The following ABCB11 variants were observed in gnomAD, a reference collection of about 807,000 sequenced individuals.
ABCB11 encodes ATP binding cassette subfamily B member 11, also known as bile salt export pump.
A neutral mutation model predicts 148.0 loss-of-function variants in ABCB11; 95 were observed. The ratio of observed to expected loss-of-function variants is 0.64; its 90% CI spans 0.54 to 0.76. The LOEUF (loss-of-function observed/expected upper bound fraction) is 0.76. ABCB11 is among the 30% of genes least tolerant of loss of function. The probability of loss-of-function intolerance (pLI) is 0.00; values close to 1 mark genes in which losing one functional copy is unlikely to be tolerated. For missense variants in ABCB11, 1,523 were observed against 1,617.8 expected (o/e 0.94, Z 1.01); for synonymous variants, 591 against 555.4 (o/e 1.06, Z -0.90).
rs113207353 is a variant in ABCB11 at position 168,921,353 on chromosome 2, G to C, written c.*2269C>G. On this transcript the variant is annotated 3_prime_UTR_variant, in exon 28 of 28. Transcript: ENST00000650372. The stretch of plus-strand genomic sequence containing the variant: ...GCAGAATTTCGTTTGTTGGCTAAGG[G>C]AAGAAAAACCATCTACGTAGAGTGA... Among the ~76,000 whole-genome samples, 1 of 152,164 alleles carries C rather than the reference G, an allele frequency of 6.6e-6. No individual in the cohort carries two copies. The highest frequency in any genetic ancestry group is 2.1e-4 in the South Asian group (1 of 4,830).
intron 1 of ABCB11, among the ~76,000 whole-genome samples, chr2:169,021,281 T>C (rs73024744): frequency 0.074 from 11,287 of 152,166 alleles, 489 homozygotes; most frequent in African/African-American, 0.11. Context: ...CATATACTTA[T>C]TATAAATGAA....
At chr2:168,953,275 T>C (rs1233173024) in intron 19 of ABCB11, among the ~76,000 whole-genome samples, 3 of 151,608 alleles carry the variant, frequency 2.0e-5, no homozygotes, top group Non-Finnish European at 3.0e-5. Flanking sequence ...TCTGACATGA[T>C]GATCTGGCTA....
chr2:168,986,191 A>C lies in ABCB11; in HGVS notation c.1002T>G (p.Phe334Leu), dbSNP rs1176862568. Residue 334 changes from phenylalanine to leucine, a missense_variant, in exon 10 of 28, where the codon TTT (phenylalanine) becomes TTG (leucine). By Grantham distance (22) the Phe-to-Leu change is conservative. Coordinates refer to ENST00000650372, the MANE Select transcript of ABCB11 (RefSeq NM_003742.4). The stretch of plus-strand genomic sequence containing the variant: ...ACCAGAAGGCCAGTGCATAACACAA[A>C]AAGATGAGACACCACACGAATCCAG... ...FFTGFVWCLI[F>L]LCYALAFWYG... 6.2e-7 allele frequency: 1 copy of C among 1,613,262 alleles called. No individual in the cohort carries two copies. Among genetic ancestry groups the C allele is most frequent in the African/African-American group, 1.3e-5 (1 of 74,890 alleles).
intron 17 of ABCB11, 144 bp from the exon 18 acceptor site, chr2:168,964,452 G>A: frequency 1.4e-6 from 1 of 689,826 alleles, no homozygotes; most frequent in Non-Finnish European, 2.4e-6. Flanking sequence ...GAGCTTGCAG[G>A]TTAGGTTTGA....
chr2:168,934,382 C>G (rs1014694266), intron 23 of ABCB11, among the ~76,000 whole-genome samples: 3 of 152,156 alleles, frequency 2.0e-5, no homozygotes, highest in African/African-American at 7.2e-5. Flanking sequence ...CTCAGACCAT[C>G]TCCACCCTTA....
chr2:168,957,003 G>C (rs918124721), intron 19 of ABCB11, among the ~76,000 whole-genome samples: 1 of 151,576 alleles, frequency 6.6e-6, no homozygotes, highest in African/African-American at 2.4e-5. Context: ...CCCATCCCTT[G>C]TTTGATGAAT....
Position 169,019,544 on chromosome 2 carries a change from A to G in ABCB11, c.-27-1392T>C, listed in dbSNP as rs577924252. ...CAGTTGGCTTGCAGAACTTGTGCAT[A>G]GGAAAAATTGGCTCTACATATCCAC... On this transcript the variant is annotated intron_variant, in intron 1 of 27. Transcript: ENST00000650372. 5.9e-5 allele frequency among the ~76,000 whole-genome samples: 9 copies of G among 152,336 alleles called. No homozygotes were observed. In the South Asian group the frequency reaches 1.9e-3, roughly 32 times the overall value.
At chr2:168,973,100 T>C (rs780844734) in intron 13 of ABCB11, among the ~76,000 whole-genome samples, 3 of 152,002 alleles carry the variant, frequency 2.0e-5, no homozygotes, top group Non-Finnish European at 4.4e-5. Flanking sequence ...ATTTAGTGTC[T>C]GGAGAACTTA....
chr2:168,955,470 C>T (rs1026945166), intron 19 of ABCB11, among the ~76,000 whole-genome samples: 7 of 151,540 alleles, frequency 4.6e-5, no homozygotes, highest in Non-Finnish European at 8.9e-5. Flanking sequence ...GCGCTACACA[C>T]TTTTATCAGA....
intron 5 of ABCB11, among the ~76,000 whole-genome samples, chr2:169,008,085 C>T (rs1273176189): frequency 6.6e-6 from 1 of 152,156 alleles, no homozygotes; most frequent in East Asian, 1.9e-4. Context: ...ATCACTGGTC[C>T]TCAGAGAAAT....
At chr2:168,918,019 T>A (rs1690974981), downstream of ABCB11, among the ~76,000 whole-genome samples, 1 of 149,282 alleles carries the variant, frequency 6.7e-6, no homozygotes, top group African/African-American at 2.5e-5. Context: ...ACAATTAGCA[T>A]AAATTTCACC....
At chr2:168,979,672 CA>C (rs55859131) in intron 11 of ABCB11, among the ~76,000 whole-genome samples, 193 bp downstream of exon 11, 152 of 100,066 alleles carry the variant, frequency 1.5e-3, no homozygotes, top group South Asian at 5.9e-3. Flanking sequence ...AACTCCATCT[CA>C]AAAAAAAAAA....
intron 1 of ABCB11, among the ~76,000 whole-genome samples, chr2:169,030,246 G>A (rs973828248): frequency 6.6e-6 from 1 of 151,964 alleles, no homozygotes; most frequent in Non-Finnish European, 1.5e-5. Flanking sequence ...TTATTCAAGG[G>A]GCTTGCAATC....
At position 169,015,295 on chromosome 2, in the gene ABCB11, C is replaced by T. The variant is rs1311381128; in HGVS notation, c.99-941G>A. Among the ~76,000 whole-genome samples, 6 of 152,250 alleles carry T rather than the reference C, an allele frequency of 3.9e-5. No homozygotes were observed. In the East Asian group the frequency reaches 1.2e-3, roughly 29 times the overall value. ...AAGCCAGGCTGCTGGGCCTGCTGGA[C>T]ACAACCTCACCACCTTGTGAATGGA... On this transcript the variant is annotated intron_variant, in intron 3 of 27. Transcript: ENST00000650372.
chr2:168,995,565 T>C (rs1036515589), intron 6 of ABCB11, 83 bp from the exon 7 acceptor site: 1 of 1,433,404 alleles, frequency 7.0e-7, no homozygotes, highest in Non-Finnish European at 9.5e-7. Context: ...GTACTTTCAA[T>C]ACAACAGTTG....
chr2:169,013,653 C>T (rs565503553), intron 4 of ABCB11, 143 bp from the exon 5 acceptor site: 9 of 612,436 alleles, frequency 1.5e-5, no homozygotes, highest in African/African-American at 5.5e-5. Flanking sequence ...TGGCAGAGTT[C>T]GTATACTAAT....
intron 17 of ABCB11, 80 bp downstream of exon 17, chr2:168,968,347 T>C (rs2105955206): frequency 3.0e-6 from 4 of 1,316,154 alleles, no homozygotes; most frequent in Non-Finnish European, 4.3e-6. Context: ...GTACCTGAGA[T>C]ATTCTCTGAG....
intron 27 of ABCB11, among the ~76,000 whole-genome samples, chr2:168,924,123 G>A (rs1285225418): frequency 6.6e-6 from 1 of 152,202 alleles, no homozygotes; most frequent in Non-Finnish European, 1.5e-5. Flanking sequence ...AAACAACGGA[G>A]GGTAGCAGTT....
intron 8 of ABCB11, among the ~76,000 whole-genome samples, chr2:168,991,649 G>A (rs1694528494): frequency 6.6e-6 from 1 of 151,824 alleles, no homozygotes; most frequent in Non-Finnish European, 1.5e-5. Context: ...CCAGATTAAG[G>A]GAGTTTATCT....
Sources: gnomAD v4.1 joint callset for allele counts (sites outside exome capture counted in the v4.1 genomes callset) on GRCh38, gnomAD v4.1.1 for gene constraint, MANE v1.5 for transcripts, NCBI Gene and HGNC (gene_info 2026-07-23, HGNC 2026-07-21) for gene names.